RBMS3: variants seen among roughly 807,000 people sequenced by gnomAD.
RBMS3 encodes the protein RNA-binding motif, single-stranded-interacting protein 3.
In RBMS3, 27 loss-of-function variants were observed where a neutral mutation model predicts 66.8. The ratio of observed to expected loss-of-function variants is 0.40; its 90% confidence interval spans 0.30 to 0.56. RBMS3 has a LOEUF of 0.56. Ranked by LOEUF, RBMS3 falls within the 20% of genes least tolerant of loss-of-function variation. The probability of loss-of-function intolerance (pLI) is 0.40; values close to 1 mark genes in which losing one functional copy is unlikely to be tolerated. For synonymous variants in RBMS3, 188 were observed against 183.0 expected, an observed-to-expected ratio of 1.03 and a Z score of -0.22; for missense variants, 513 against 549.5, an observed-to-expected ratio of 0.93 and a Z score of 0.66.
At chr3:29,805,773 G>C (rs1435924563) in intron 6 of RBMS3, among the ~76,000 whole-genome samples, 1 of 151,942 alleles carries the variant, frequency 6.6e-6, no homozygotes, top group African/African-American at 2.4e-5. Context: ...AATTTAAAAA[G>C]ATTAAGTTTA....
intron 12 of RBMS3, among the ~76,000 whole-genome samples, chr3:29,970,471 C>A (rs1227298521): frequency 6.6e-6 from 1 of 152,066 alleles, no homozygotes; most frequent in Non-Finnish European, 1.5e-5. Context: ...CTAATTCTTA[C>A]ACGCCTCTCT....
In RBMS3 at chr3:30,003,829, A is replaced by T. The variant is rs1014459268; in HGVS notation, c.1308-27A>T. On this transcript the variant is annotated intron_variant, in intron 14 of 14. Coordinates refer to ENST00000383767, the MANE Select transcript of RBMS3 (RefSeq NM_001003793.3). ...ATTTCAAAGTTACTTTAATTTAATG[A>T]CCACTCTTATTCAATTGTTTTCACA... 8.6e-6 allele frequency: 12 copies of T among 1,399,826 alleles called. No individual in the cohort carries two copies. The African/African-American group carries it at 1.8e-4, about 21-fold the overall frequency. 86.7% of individuals were successfully genotyped at this position (1,399,826 alleles called of 1,614,324 possible).
At chr3:29,524,837 G>A (rs186970183) in intron 3 of RBMS3, among the ~76,000 whole-genome samples, 7 of 152,194 alleles carry the variant, frequency 4.6e-5, no homozygotes, top group Admixed American at 2.0e-4. Context: ...TGGGTTGCTT[G>A]AGCCTAGCAG....
chr3:29,499,218 C>T (rs1486720581), intron 3 of RBMS3, among the ~76,000 whole-genome samples: 1 of 152,148 alleles, frequency 6.6e-6, no homozygotes, highest in African/African-American at 2.4e-5. Flanking sequence ...ATGGTAAAAG[C>T]ATCTAACATT....
At chr3:29,359,029 G>A (rs1039699196) in intron 1 of RBMS3, among the ~76,000 whole-genome samples, 3 of 152,040 alleles carry the variant, frequency 2.0e-5, no homozygotes, top group East Asian at 1.9e-4. Flanking sequence ...CTAATTGAAT[G>A]CCCTTTCTTT....
intron 6 of RBMS3, among the ~76,000 whole-genome samples, chr3:29,813,425 G>T (rs530108087): frequency 9.1e-4 from 139 of 152,144 alleles, no homozygotes; most frequent in African/African-American, 3.2e-3. Flanking sequence ...CTTCAAAATT[G>T]GTATCTCTTT....
chr3:29,370,335 AGTTCT>A (rs2038134375), intron 1 of RBMS3, among the ~76,000 whole-genome samples: 1 of 152,228 alleles, frequency 6.6e-6, no homozygotes, highest in Admixed American at 6.5e-5. Context: ...CTTCACAGAA[AGTTCT>A]GTTCAGGTTG....
At chr3:29,990,811 T>A (rs1698810954) in intron 13 of RBMS3, among the ~76,000 whole-genome samples, 3 of 152,160 alleles carry the variant, frequency 2.0e-5, no homozygotes, top group Admixed American at 2.0e-4. Context: ...AAACCTGGTT[T>A]AAAAGTTCCA....
chr3:29,734,386 T>C (rs2054284224), intron 4 of RBMS3, among the ~76,000 whole-genome samples: 1 of 152,072 alleles, frequency 6.6e-6, no homozygotes, highest in South Asian at 2.1e-4. Flanking sequence ...TTTAAATACC[T>C]AGAAGAAAGG....
At chr3:29,985,328 G>T (rs1698302441) in intron 12 of RBMS3, among the ~76,000 whole-genome samples, 1 of 152,094 alleles carries the variant, frequency 6.6e-6, no homozygotes, top group Admixed American at 6.5e-5. Flanking sequence ...CCGTAGAGGT[G>T]GCACCCTGGC....
At chr3:29,888,696 A>G (rs1220252522) in intron 8 of RBMS3, among the ~76,000 whole-genome samples, 1 of 151,682 alleles carries the variant, frequency 6.6e-6, no homozygotes, top group Non-Finnish European at 1.5e-5. Flanking sequence ...TTGTAATACA[A>G]ACTACACAAA....
At chr3:29,292,893 C>T (rs879840474) in intron 1 of RBMS3, among the ~76,000 whole-genome samples, 10 of 151,744 alleles carry the variant, frequency 6.6e-5, no homozygotes, top group Admixed American at 6.6e-4. Context: ...CATTTACAAA[C>T]AGAAGAAACA....
At chr3:29,839,019 C>T (rs562924678) in intron 6 of RBMS3, among the ~76,000 whole-genome samples, 188 of 152,222 alleles carry the variant, frequency 1.2e-3, no homozygotes, top group African/African-American at 4.1e-3. Flanking sequence ...CTCCTCATTA[C>T]GGGGTAAGTT....
In RBMS3 at chr3:29,318,197, T is replaced by G. The variant is rs527271504; in HGVS notation, c.75+36441T>G. Among the ~76,000 whole-genome samples the G allele has an allele frequency of 3.9e-5, 6 of 152,002 alleles. No homozygotes were observed. The South Asian group carries it at 1.2e-3, about 32-fold the overall frequency. On this transcript the variant is annotated intron_variant, in intron 1 of 14. Transcript: ENST00000383767. ...TAATATTCTGGTGTCTTCACCGTATTTCAAAGAAAAGCTTGTATTTTATGC... is the reference window on the plus strand; with the variant it reads ...TAATATTCTGGTGTCTTCACCGTATGTCAAAGAAAAGCTTGTATTTTATGC...
chr3:29,619,152 T>G (rs2048777166), intron 4 of RBMS3, among the ~76,000 whole-genome samples: 1 of 151,470 alleles, frequency 6.6e-6, no homozygotes, highest in Non-Finnish European at 1.5e-5. Context: ...CAGGGCCTGT[T>G]GTGGGGTGAG....
chr3:29,681,509 A>AT (rs1015035314), intron 4 of RBMS3, among the ~76,000 whole-genome samples: 1 of 86,978 alleles, frequency 1.1e-5, no homozygotes, highest in African/African-American at 5.8e-5. Context: ...CCCCCACACA[A>AT]TCCCCCCAGA....
intron 6 of RBMS3, among the ~76,000 whole-genome samples, chr3:29,784,108 A>G (rs1356079649): frequency 6.6e-6 from 1 of 152,172 alleles, no homozygotes; most frequent in Non-Finnish European, 1.5e-5. Flanking sequence ...TGGGGACTTT[A>G]ATACTCCACT....
At chr3:29,429,356 A>G (rs1402639158) in intron 1 of RBMS3, among the ~76,000 whole-genome samples, 1 of 152,152 alleles carries the variant, frequency 6.6e-6, no homozygotes, top group African/African-American at 2.4e-5. Flanking sequence ...TTCATTTCCT[A>G]AAGAGGACAT....
chr3:29,806,183 G>A (rs1357538071), intron 6 of RBMS3, among the ~76,000 whole-genome samples: 3 of 151,862 alleles, frequency 2.0e-5, no homozygotes, highest in Non-Finnish European at 4.4e-5. Flanking sequence ...GGTAAAACAA[G>A]AACCTCAGAA....
Sources: allele counts gnomAD v4.1 joint callset (sites outside exome capture counted in the v4.1 genomes callset), GRCh38; gene constraint gnomAD v4.1.1; transcripts MANE v1.5; gene names NCBI Gene and HGNC (gene_info 2026-07-23, HGNC 2026-07-21).